THSD4: variants seen among roughly 807,000 people sequenced by gnomAD.
The protein encoded by THSD4 is thrombospondin type-1 domain-containing protein 4.
A neutral mutation model predicts 119.0 loss-of-function variants in THSD4; 69 were observed. The observed-to-expected ratio is 0.58, with a 90% confidence interval of 0.48 to 0.71. THSD4 has a LOEUF of 0.71. Ranked by LOEUF, THSD4 falls within the 30% of genes least tolerant of loss-of-function variation. The pLI, the probability that THSD4 is intolerant of heterozygous loss-of-function variation, is 0.00. For missense variants in THSD4, 1,393 were observed against 1,391.1 expected (o/e 1.00, Z -0.02); for synonymous variants, 524 against 540.4 (o/e 0.97, Z 0.42).
chr15:71,733,361 A>C (rs2053019368), intron 10 of THSD4: 1 of 152,208 alleles, frequency 6.6e-6, no homozygotes, highest in Non-Finnish European at 1.5e-5. Flanking sequence ...ACACACACCC[A>C]GTCTACAAAA....
At chr15:71,633,265 CTTTCT>C (rs1441522836) in intron 7 of THSD4, among the ~76,000 whole-genome samples, 1 of 123,598 alleles carries the variant, frequency 8.1e-6, no homozygotes, top group African/African-American at 3.0e-5. Flanking sequence ...TTCTTTCTTT[CTTTCT>C]TTTTTTTTTT....
chr15:71,209,040 C>T (rs1419567795), intron 3 of THSD4, among the ~76,000 whole-genome samples: 1 of 152,098 alleles, frequency 6.6e-6, no homozygotes, highest in Non-Finnish European at 1.5e-5. Flanking sequence ...GAACAAGCTC[C>T]TCTTCTAATT....
chr15:71,709,315 T>G (rs2052460562), intron 8 of THSD4, among the ~76,000 whole-genome samples: 2 of 152,086 alleles, frequency 1.3e-5, no homozygotes, highest in African/African-American at 4.8e-5. Flanking sequence ...AGTGACCAAA[T>G]GTAAGATGGG....
At chr15:71,747,225 G>A (rs4776574) in intron 13 of THSD4, among the ~76,000 whole-genome samples, 183 bp downstream of exon 13, 1,874 of 152,252 alleles carry the variant, frequency 0.012, 36 homozygotes, top group Admixed American at 0.04. Context: ...TAGAGTTCAG[G>A]GTAGTGTGTG....
chr15:71,665,309 C>A (rs2051395067), intron 8 of THSD4, among the ~76,000 whole-genome samples: 1 of 150,200 alleles, frequency 6.7e-6, no homozygotes, highest in African/African-American at 2.5e-5. Context: ...AAAAGTATGT[C>A]TTCTGTTCAT....
intron 6 of THSD4, among the ~76,000 whole-genome samples, chr15:71,284,087 G>A (rs755196468): frequency 3.5e-4 from 53 of 152,238 alleles, no homozygotes; most frequent in Middle Eastern, 6.8e-3. Flanking sequence ...CTCTAGACTC[G>A]AATGGATGAG....
rs1193131967 is a variant in THSD4 at position 71,158,148 on chromosome 15, C to CTTT, written c.99+3237_99+3239dup. Reference sequence around the variant, plus strand: ...CTTCCACATCCTTACCAACACTTATCTTTTTTTTTTTTTTTTTTTTTTTGA... The same window carrying CTTT: ...CTTCCACATCCTTACCAACACTTATCTTTTTTTTTTTTTTTTTTTTTTTTTTGA... On this transcript the variant is annotated intron_variant, in intron 3 of 17. Transcript: ENST00000261862. 7.7e-3 allele frequency among the ~76,000 whole-genome samples: 657 copies of CTTT among 85,058 alleles called. 5 individuals are homozygous for CTTT. Among genetic ancestry groups the CTTT allele is most frequent in the East Asian group, 0.019 (47 of 2,454 alleles). The allele number at this position is 85,058 out of a possible 152,430, so 55.8% of individuals were successfully genotyped here.
intron 7 of THSD4, among the ~76,000 whole-genome samples, chr15:71,598,460 A>C (rs1336384053): frequency 6.6e-6 from 1 of 152,110 alleles, no homozygotes; most frequent in Non-Finnish European, 1.5e-5. Flanking sequence ...TAGAGGACTC[A>C]TTGTAAAGGC....
intron 7 of THSD4, among the ~76,000 whole-genome samples, chr15:71,635,784 C>T (rs1391402503): frequency 6.6e-6 from 1 of 152,162 alleles, no homozygotes; most frequent in Non-Finnish European, 1.5e-5. Flanking sequence ...ATGGAATTAA[C>T]GTTTATTGGG....
At chr15:71,715,538 T>C (rs1266074077) in intron 8 of THSD4, among the ~76,000 whole-genome samples, 1 of 152,086 alleles carries the variant, frequency 6.6e-6, no homozygotes, top group Non-Finnish European at 1.5e-5. Flanking sequence ...GTTGTGTGTT[T>C]ATATTTTTTT....
chr15:71,588,782 G>T (rs1024338485), intron 7 of THSD4, among the ~76,000 whole-genome samples: 1 of 152,150 alleles, frequency 6.6e-6, no homozygotes, highest in Non-Finnish European at 1.5e-5. Context: ...ATGGGGCTGG[G>T]GTAGCTTGGA....
chr15:71,140,045 G>A (rs969530898), intron 1 of THSD4, among the ~76,000 whole-genome samples: 1 of 152,244 alleles, frequency 6.6e-6, no homozygotes, highest in African/African-American at 2.4e-5. Context: ...TTTAGTGAGG[G>A]CTTCTGAATG....
intron 3 of THSD4, among the ~76,000 whole-genome samples, chr15:71,200,943 A>G (rs1160472814): frequency 6.6e-6 from 1 of 152,194 alleles, no homozygotes; most frequent in African/African-American, 2.4e-5. Flanking sequence ...TTTGTGCCCT[A>G]TATCCATGTG....
chr15:71,283,025 A>C (rs982938291), intron 6 of THSD4, among the ~76,000 whole-genome samples: 3 of 141,452 alleles, frequency 2.1e-5, no homozygotes, highest in East Asian at 4.1e-4. Context: ...GCTGGAGTGC[A>C]GTGGCACAAT....
In THSD4 at chr15:71,229,853, T is replaced by C. The variant is rs141192178; in HGVS notation, c.465-12796T>C. ...TTATGCTTGCGATGCTTCATACTTA[T>C]AATAAAGAAAGAAATAGAAGTGATA... On this transcript the variant is annotated intron_variant, in intron 4 of 17. Transcript: ENST00000261862. Among the ~76,000 whole-genome samples, 338 of 152,246 alleles carry C rather than the reference T, an allele frequency of 2.2e-3. 1 individual carries two copies. The highest frequency in any genetic ancestry group is 7.6e-3 in the African/African-American group (316 of 41,546).
At chr15:71,448,648 T>C (rs1386173151) in intron 7 of THSD4, among the ~76,000 whole-genome samples, 3 of 152,234 alleles carry the variant, frequency 2.0e-5, no homozygotes, top group African/African-American at 4.8e-5. Context: ...AAGCACATCA[T>C]GGAGAATGGG....
chr15:71,768,731 AT>A (rs888453341), intron 16 of THSD4, among the ~76,000 whole-genome samples: 1 of 149,886 alleles, frequency 6.7e-6, no homozygotes. Flanking sequence ...TGCACGGCTA[AT>A]TTTTTTGTAT....
At chr15:71,547,535 T>A in intron 7 of THSD4, 6 of 1,542,378 alleles carry the variant, frequency 3.9e-6, no homozygotes, top group Non-Finnish European at 5.2e-6. Flanking sequence ...AGCATTATAT[T>A]TCCTCTTCTA....
At chr15:71,547,603 A>G (rs1363356655) in intron 7 of THSD4, 2 of 1,166,316 alleles carry the variant, frequency 1.7e-6, no homozygotes. Flanking sequence ...AATGCTTTAT[A>G]TTACTTTTGT....
Sources: gnomAD v4.1 joint callset for allele counts (sites outside exome capture counted in the v4.1 genomes callset) on GRCh38, gnomAD v4.1.1 for gene constraint, MANE v1.5 for transcripts, NCBI Gene and HGNC (gene_info 2026-07-23, HGNC 2026-07-21) for gene names.